Variants in PTPRQ observed in about 807,000 individuals in gnomAD.
PTPRQ encodes protein tyrosine phosphatase receptor type Q.
Under a neutral mutation model 246.0 loss-of-function variants are expected in PTPRQ, and 199 were observed. The observed-to-expected ratio is 0.81, with a 90% CI of 0.72 to 0.91. The LOEUF is 0.91. PTPRQ is among the 40% of genes least tolerant of loss of function. The pLI, the probability that PTPRQ is intolerant of heterozygous loss-of-function variation, is 0.00. For missense variants in PTPRQ, 2,624 were observed against 2,528.4 expected, an observed-to-expected ratio of 1.04 and a Z score of -0.81; for synonymous variants, 869 against 853.2, an observed-to-expected ratio of 1.02 and a Z score of -0.32.
intron 6 of PTPRQ, among the ~76,000 whole-genome samples, chr12:80,463,564 G>C (rs1302436753): frequency 6.6e-6 from 1 of 151,936 alleles, no homozygotes. Context: ...ACACATAATT[G>C]TCAGATTCAC....
At chr12:80,456,538 C>T (rs1178949492) in intron 3 of PTPRQ, among the ~76,000 whole-genome samples, 1 of 152,094 alleles carries the variant, frequency 6.6e-6, no homozygotes, top group African/African-American at 2.4e-5. Context: ...CTGTAAGAAA[C>T]TATTGCTGAT....
chr12:80,498,517 G>A (rs145506966), intron 14 of PTPRQ, among the ~76,000 whole-genome samples: 2 of 152,148 alleles, frequency 1.3e-5, no homozygotes, highest in African/African-American at 4.8e-5. Flanking sequence ...AATGGCACCA[G>A]CTGGAAAGTG....
intron 25 of PTPRQ, among the ~76,000 whole-genome samples, chr12:80,575,852 AAAAAAGAAAAAAGAAAAAG>A (rs1262744367): frequency 5.3e-5 from 8 of 150,678 alleles, no homozygotes; most frequent in Non-Finnish European, 1.0e-4. Context: ...AAAAAAAAAA[AAAAAAGAAAAAAGAAAAAG>A]AAAAAGAAAA....
At chr12:80,645,094 T>G (rs188796382) in intron 35 of PTPRQ, among the ~76,000 whole-genome samples, 1 of 152,102 alleles carries the variant, frequency 6.6e-6, no homozygotes, top group East Asian at 1.9e-4. Flanking sequence ...TTCTAAAAAG[T>G]GATTGGATTT....
chr12:80,449,518 T>G (rs1892674448), intron 3 of PTPRQ, among the ~76,000 whole-genome samples: 1 of 152,152 alleles, frequency 6.6e-6, no homozygotes, highest in Non-Finnish European at 1.5e-5. Context: ...GGTCTAACAT[T>G]TAAGTCTTTA....
At chr12:80,559,619 G>A (rs1406526061) in intron 25 of PTPRQ, among the ~76,000 whole-genome samples, 1 of 152,074 alleles carries the variant, frequency 6.6e-6, no homozygotes, top group Non-Finnish European at 1.5e-5. Context: ...AGTTAATGAT[G>A]TTCATTAATA....
chr12:80,480,388 A>G (rs1893995988), intron 8 of PTPRQ, among the ~76,000 whole-genome samples: 1 of 152,048 alleles, frequency 6.6e-6, no homozygotes, highest in South Asian at 2.1e-4. Flanking sequence ...GTAGAGGGAA[A>G]TTTATAGCAC....
At chr12:80,484,242 G>A (rs565412323) in intron 8 of PTPRQ, among the ~76,000 whole-genome samples, 191 bp from the exon 9 acceptor site, 7 of 152,044 alleles carry the variant, frequency 4.6e-5, no homozygotes, top group Admixed American at 3.3e-4. Context: ...CCTTACCTCA[G>A]GTGATTGGCC....
Position 80,487,616 on chromosome 12 carries a change from A to G in PTPRQ, c.1359+3011A>G, listed in dbSNP as rs1201200031. Among the ~76,000 whole-genome samples the G allele has an allele frequency of 2.0e-5, 3 of 151,974 alleles. No individual in the cohort carries two copies. The East Asian group carries it at 5.8e-4, about 29-fold the overall frequency. ...ATCCTCTCTGTCATGAAGGCTTGAA[A>G]CCTTGGAGTCACTTCTGACTTAGAT... On this transcript the variant is annotated intron_variant, in intron 9 of 44. Coordinates refer to ENST00000644991, the MANE Select transcript of PTPRQ (RefSeq NM_001145026.2).
chr12:80,658,554 A>C (rs1022005642), intron 39 of PTPRQ, among the ~76,000 whole-genome samples: 1 of 152,042 alleles, frequency 6.6e-6, no homozygotes, highest in Non-Finnish European at 1.5e-5. Flanking sequence ...AATTCATGGA[A>C]TCTTAAAGAA....
Position 80,680,233 on chromosome 12 carries a change from T to C in PTPRQ, c.*1210T>C, listed in dbSNP as rs1171368424. 1 of 151,558 alleles carries C rather than the reference T, an allele frequency of 6.6e-6. No homozygotes were observed. Among genetic ancestry groups the C allele is most frequent in the Non-Finnish European group, 1.5e-5 (1 of 67,790 alleles). The allele number at this position is 151,558 out of a possible 1,614,324, so 9.4% of individuals were successfully genotyped here. On this transcript the variant is annotated 3_prime_UTR_variant, in exon 45 of 45. Coordinates refer to ENST00000644991, the MANE Select transcript of PTPRQ (RefSeq NM_001145026.2). The stretch of plus-strand genomic sequence containing the variant: ...GCTTATTTCCGCTGGAACATATATA[T>C]ATAAGAAATGCTATGGCCAATAAAA...
At chr12:80,578,059 G>T (rs552950987) in intron 25 of PTPRQ, among the ~76,000 whole-genome samples, 61 of 150,650 alleles carry the variant, frequency 4.0e-4, no homozygotes, top group Middle Eastern at 3.4e-3. Context: ...TTTTTTTTTT[G>T]GATTTTTTTA....
intron 42 of PTPRQ, among the ~76,000 whole-genome samples, chr12:80,670,989 T>C (rs1592781129): frequency 6.6e-6 from 1 of 152,184 alleles, no homozygotes; most frequent in Non-Finnish European, 1.5e-5. Flanking sequence ...TTCACCACAA[T>C]AAAAAGATTT....
chr12:80,599,623 A>C (rs904730559), intron 26 of PTPRQ, among the ~76,000 whole-genome samples: 1 of 151,288 alleles, frequency 6.6e-6, no homozygotes, highest in Admixed American at 6.6e-5. Context: ...AAAATGCTGG[A>C]TATATTTTAT....
intron 3 of PTPRQ, among the ~76,000 whole-genome samples, chr12:80,448,946 C>G (rs1377503940): frequency 1.3e-5 from 2 of 149,402 alleles, no homozygotes; most frequent in South Asian, 4.3e-4. Context: ...TGAGGAATCG[C>G]CACACTGACT....
At position 80,634,932 on chromosome 12, in the gene PTPRQ, C is replaced by T; in HGVS notation, c.5787-13C>T. 1.3e-6 allele frequency: 2 copies of T among 1,548,950 alleles called. No homozygotes were observed. On this transcript the variant is annotated splice_polypyrimidine_tract_variant and intron_variant, in intron 34 of 44. Transcript: ENST00000644991. Reference sequence around the variant, plus strand: ...TGAAACTCCCTTCTTGGACTTTACTCCGCTTGTTTTAGAATTCGACAGAAG... The same window carrying T: ...TGAAACTCCCTTCTTGGACTTTACTTCGCTTGTTTTAGAATTCGACAGAAG...
At chr12:80,463,033 T>C (rs1222191226) in intron 6 of PTPRQ, among the ~76,000 whole-genome samples, 5 of 151,918 alleles carry the variant, frequency 3.3e-5, no homozygotes, top group Non-Finnish European at 5.9e-5. Context: ...CTTTCACGAG[T>C]TGAGAGAAGA....
intron 14 of PTPRQ, among the ~76,000 whole-genome samples, chr12:80,497,822 G>A (rs966170655): frequency 5.3e-5 from 8 of 151,900 alleles, no homozygotes; most frequent in Admixed American, 6.6e-5. Context: ...AGATACTGGT[G>A]GAACCACATG....
intron 23 of PTPRQ, among the ~76,000 whole-genome samples, chr12:80,546,164 C>CTCTGTCTCTACT (rs1896299388): frequency 6.6e-6 from 1 of 151,954 alleles, no homozygotes; most frequent in Non-Finnish European, 1.5e-5. Flanking sequence ...CTAAAAACTA[C>CTCTGTCTCTACT]AAATATTAGC....
Sources: gnomAD v4.1 joint callset for allele counts (sites outside exome capture counted in the v4.1 genomes callset) on GRCh38, gnomAD v4.1.1 for gene constraint, MANE v1.5 for transcripts, NCBI Gene and HGNC (gene_info 2026-07-23, HGNC 2026-07-21) for gene names.